The following ATG13 variants were observed in gnomAD, a reference collection of about 807,000 sequenced individuals.
ATG13 encodes autophagy-related protein 13.
In ATG13, 23 loss-of-function variants were observed where a neutral mutation model predicts 65.5. The ratio of observed to expected loss-of-function variants is 0.35; its 90% confidence interval spans 0.25 to 0.50. The LOEUF is 0.50. ATG13 is among the 20% of genes least tolerant of loss of function. The pLI is 0.98. For missense variants in ATG13, 566 were observed against 677.0 expected (o/e 0.84, Z 1.82); for synonymous variants, 252 against 245.2 (o/e 1.03, Z -0.26).
intron 1 of ATG13, among the ~76,000 whole-genome samples, chr11:46,628,211 T>C (rs563866347): frequency 6.6e-6 from 1 of 152,046 alleles, no homozygotes; most frequent in East Asian, 1.9e-4. Context: ...TAGATCAGCT[T>C]GGCCAACACG....
chr11:46,647,352 A>G (rs1264183830), intron 5 of ATG13, among the ~76,000 whole-genome samples: 1 of 145,668 alleles, frequency 6.9e-6, no homozygotes, highest in Non-Finnish European at 1.5e-5. Context: ...ATCTCAGCTC[A>G]CTGCAACCTC....
At chr11:46,655,330 G>A (rs1464314735) in intron 7 of ATG13, among the ~76,000 whole-genome samples, 4 of 151,876 alleles carry the variant, frequency 2.6e-5, no homozygotes, top group East Asian at 1.9e-4. Context: ...CCTGGGAGGC[G>A]GAGCTTGCAG....
At chr11:46,625,292 T>C (rs943930414) in intron 1 of ATG13, 29 of 148,724 alleles carry the variant, frequency 1.9e-4, no homozygotes, top group African/African-American at 6.7e-4. Context: ...TTTTTTTTTT[T>C]TGATACAGGG....
chr11:46,639,181 T>G (rs1229713667), intron 2 of ATG13, among the ~76,000 whole-genome samples: 1 of 151,884 alleles, frequency 6.6e-6, no homozygotes, highest in African/African-American at 2.4e-5. Context: ...AGAGACAGGG[T>G]TTTACTATGT....
intron 2 of ATG13, among the ~76,000 whole-genome samples, chr11:46,637,240 C>T (rs778081403): frequency 1.3e-5 from 2 of 152,170 alleles, no homozygotes; most frequent in Non-Finnish European, 2.9e-5. Context: ...AGCTACAACT[C>T]AGCTATTTTT....
chr11:46,620,795 CAATT>C (rs1208201612), intron 1 of ATG13, among the ~76,000 whole-genome samples: 1 of 151,858 alleles, frequency 6.6e-6, no homozygotes, highest in Non-Finnish European at 1.5e-5. Flanking sequence ...AAAAACAACT[CAATT>C]AACGTGCATG....
intron 2 of ATG13, among the ~76,000 whole-genome samples, chr11:46,637,616 C>A (rs1308307834): frequency 6.6e-6 from 1 of 152,162 alleles, no homozygotes; most frequent in African/African-American, 2.4e-5. Flanking sequence ...CTCAAGTGAT[C>A]TGCCTGCCTC....
intron 7 of ATG13, among the ~76,000 whole-genome samples, chr11:46,651,928 G>A (rs563517466): frequency 2.6e-5 from 4 of 152,242 alleles, no homozygotes; most frequent in South Asian, 4.1e-4. Flanking sequence ...AGTGTTTAAA[G>A]TGTTCCTTTA....
chr11:46,618,895 T>G (rs1412920012), intron 1 of ATG13, among the ~76,000 whole-genome samples: 2 of 152,156 alleles, frequency 1.3e-5, no homozygotes, highest in African/African-American at 4.8e-5. Flanking sequence ...ATAGCTAACT[T>G]TAATCTCAAA....
chr11:46,631,975 C>T (rs867261568), intron 2 of ATG13, among the ~76,000 whole-genome samples: 1 of 152,122 alleles, frequency 6.6e-6, no homozygotes, highest in Non-Finnish European at 1.5e-5. Flanking sequence ...TTTCTATTTG[C>T]AAAAGTGATG....
chr11:46,648,773 TC>T (rs2058274084), intron 5 of ATG13: 1 of 147,904 alleles, frequency 6.8e-6, no homozygotes, highest in Non-Finnish European at 1.4e-5. Flanking sequence ...TGAGACTCTG[TC>T]TTTAAAAAAA....
intron 3 of ATG13, among the ~76,000 whole-genome samples, chr11:46,644,835 C>T (rs1488921670): frequency 1.3e-5 from 2 of 152,090 alleles, no homozygotes; most frequent in African/African-American, 4.8e-5. Flanking sequence ...TCATTTCTAC[C>T]TATGTCACTC....
At chr11:46,627,670 G>A (rs1349664692) in intron 1 of ATG13, among the ~76,000 whole-genome samples, 1 of 151,852 alleles carries the variant, frequency 6.6e-6, no homozygotes, top group East Asian at 2.0e-4. Flanking sequence ...ATAGAGATGG[G>A]GTTTCTCCAT....
chr11:46,665,462 G>A lies in ATG13; in HGVS notation c.1079G>A (p.Arg360Lys). ...PVHGTQADQE[R>K]LATCTPSDRT... ...CATGGTACCCAGGCTGACCAGGAGA[G>A]ACTGGCAACCTGCACCCCTTCTGAC... The change falls in exon 14 of 19, where the codon AGA becomes AAA. Residue 360 changes from arginine (R) to lysine (K), a missense_variant. Around this residue, in one of 2 missense-constraint regions of ATG13, gnomAD observed 387 missense variants for 409.8 expected, o/e 0.94. Transcript: ENST00000683050. 1.2e-6 allele frequency: 2 copies of A among 1,614,230 alleles called. No homozygotes were observed. The highest frequency in any genetic ancestry group is 1.7e-6 in the Non-Finnish European group (2 of 1,180,042).
At chr11:46,645,768 T>G (rs1008922338) in intron 4 of ATG13, 102 bp from the exon 5 acceptor site, 38 of 1,487,152 alleles carry the variant, frequency 2.6e-5, no homozygotes, top group African/African-American at 5.6e-5. Flanking sequence ...ATTGTCTTCC[T>G]TAATCAGCCA....
intron 1 of ATG13, chr11:46,621,019 T>G (rs982734933): frequency 5.9e-5 from 9 of 152,290 alleles, no homozygotes; most frequent in African/African-American, 2.2e-4. Context: ...TTACATTTTT[T>G]TCTTTTTTTT....
chr11:46,647,675 G>A (rs1445185002), intron 5 of ATG13, among the ~76,000 whole-genome samples: 1 of 151,400 alleles, frequency 6.6e-6, no homozygotes, highest in Non-Finnish European at 1.5e-5. Context: ...AGGTTCAGGG[G>A]ATCCTCCCAC....
At chr11:46,636,091 A>G (rs1472648825) in intron 2 of ATG13, among the ~76,000 whole-genome samples, 2 of 152,124 alleles carry the variant, frequency 1.3e-5, no homozygotes, top group East Asian at 1.9e-4. Flanking sequence ...TACAAATGAT[A>G]GATTCCAGTA....
intron 2 of ATG13, among the ~76,000 whole-genome samples, chr11:46,638,802 T>A (rs7123038): frequency 1 from 152,073 of 152,076 alleles, 76,035 homozygotes; most frequent in Non-Finnish European, 1. Context: ...TATATATTCC[T>A]CTTTTTTTGT....
Sources: gnomAD v4.1 joint callset for allele counts (sites outside exome capture counted in the v4.1 genomes callset) on GRCh38, gnomAD v4.1.1 for gene constraint, gnomAD v4.1.1 regional missense constraint, MANE v1.5 for transcripts, NCBI Gene and HGNC (gene_info 2026-07-23, HGNC 2026-07-21) for gene names.